Variants in USP54 observed in about 807,000 individuals in gnomAD.
USP54 encodes the protein ubiquitin specific peptidase 54, also known as ubiquitin carboxyl-terminal hydrolase 54.
Under a neutral mutation model 170.5 loss-of-function variants are expected in USP54, and 87 were observed. The ratio of observed to expected loss-of-function variants is 0.51; its 90% confidence interval spans 0.43 to 0.61. The LOEUF is 0.61. Among genes scored for constraint, USP54 ranks in the 20% least tolerant of loss-of-function variants. USP54 has a pLI of 0.00. For missense variants in USP54, 1,786 were observed against 2,047.8 expected (o/e 0.87, Z 2.47); for synonymous variants, 655 against 742.8 (o/e 0.88, Z 1.92).
chr10:73,514,216 A>C (rs2060682302), intron 20 of USP54, among the ~76,000 whole-genome samples: 1 of 152,178 alleles, frequency 6.6e-6, no homozygotes, highest in East Asian at 1.9e-4. Context: ...TCCGCCTCCC[A>C]AGTGCTGGGA....
At chr10:73,624,159 C>CATAT (rs58238181) in intron 1 of USP54, among the ~76,000 whole-genome samples, 5,819 of 69,368 alleles carry the variant, frequency 0.084, 476 homozygotes, top group Non-Finnish European at 0.098. Context: ...TTTTAAAAGC[C>CATAT]ATATATATAT....
Position 73,517,500 on chromosome 10 carries a change from T to C in USP54, c.2926A>G (p.Lys976Glu), listed in dbSNP as rs1618542. The change falls in exon 20 of 24, where the codon AAA (lysine) becomes GAA (glutamate). Residue 976 changes from lysine (K) to glutamate (E), a missense_variant. This residue lies in a region of USP54 where 1,418 missense variants were observed against 1,569.0 expected (regional missense o/e 0.90). Transcript: ENST00000687698. ...TTCTTCTCAGTCCACCCTGGTGCTT[T>C]AGGTAAACCTTGCCTGTGGAATGCA... Reference protein sequence around the residue: ...PSAFHRQGLPKAPGWTEKNSH... With the variant: ...PSAFHRQGLPEAPGWTEKNSH... 2.5e-6 allele frequency: 4 copies of C among 1,614,100 alleles called. No homozygotes were observed. In the African/African-American group the frequency reaches 5.3e-5, roughly 22 times the overall value.
At chr10:73,557,487 A>ATTTT (rs60308315) in intron 4 of USP54, among the ~76,000 whole-genome samples, 1 of 134,090 alleles carries the variant, frequency 7.5e-6, no homozygotes, top group Non-Finnish European at 1.6e-5. Context: ...CACCTGGCTA[A>ATTTT]TTTTTTTTTT....
intron 1 of USP54, among the ~76,000 whole-genome samples, chr10:73,619,724 T>C (rs1451824280): frequency 6.7e-6 from 1 of 150,340 alleles, no homozygotes. Flanking sequence ...AACAGTAATA[T>C]AGCAAACCAA....
intron 1 of USP54, chr10:73,606,375 T>C (rs2079631644): frequency 1.3e-5 from 2 of 152,024 alleles, no homozygotes; most frequent in South Asian, 2.1e-4. Flanking sequence ...TCACCTGTAG[T>C]CCCAGCCAAT....
chr10:73,581,281 G>A (rs1351153440), intron 1 of USP54, among the ~76,000 whole-genome samples: 1 of 152,200 alleles, frequency 6.6e-6, no homozygotes, highest in African/African-American at 2.4e-5. Context: ...AATTGGGATG[G>A]AAGCATGTCA....
At chr10:73,576,676 C>T (rs1395267170) in intron 1 of USP54, among the ~76,000 whole-genome samples, 4 of 152,130 alleles carry the variant, frequency 2.6e-5, no homozygotes, top group African/African-American at 9.7e-5. Context: ...TAACACAAAA[C>T]AAATCACCAA....
chr10:73,515,353 A>G (rs538332870), intron 20 of USP54, among the ~76,000 whole-genome samples: 28 of 152,302 alleles, frequency 1.8e-4, no homozygotes, highest in African/African-American at 5.8e-4. Context: ...ACTTGTCCAA[A>G]TTTATACTGA....
chr10:73,587,492 C>T (rs1305945971), intron 1 of USP54, among the ~76,000 whole-genome samples: 1 of 151,444 alleles, frequency 6.6e-6, no homozygotes, highest in Non-Finnish European at 1.5e-5. Flanking sequence ...ACAAAAAGTG[C>T]ACCCTCTGCA....
chr10:73,558,993 T>A lies in USP54; in HGVS notation c.240+12428A>T, dbSNP rs2072021889. ...TCAAATTGTCACAAATCTCAAAAAATTTTATAATATATCTATTGAAAAAAA... is the reference window on the plus strand; with the variant it reads ...TCAAATTGTCACAAATCTCAAAAAAATTTATAATATATCTATTGAAAAAAA... On this transcript the variant is annotated intron_variant, in intron 4 of 23. Coordinates refer to ENST00000687698, the MANE Select transcript of USP54 (RefSeq NM_001391956.1). Among the ~76,000 whole-genome samples the A allele has an allele frequency of 4.6e-5, 7 of 152,272 alleles. No homozygotes were observed. The South Asian group carries it at 1.5e-3, about 32-fold the overall frequency.
chr10:73,562,773 C>T (rs892527866), intron 4 of USP54, among the ~76,000 whole-genome samples: 1 of 152,162 alleles, frequency 6.6e-6, no homozygotes, highest in Admixed American at 6.5e-5. Context: ...TCTTCTGGCA[C>T]ATTATGTATC....
chr10:73,565,982 G>GC (rs2073684346), intron 4 of USP54, among the ~76,000 whole-genome samples: 2 of 152,302 alleles, frequency 1.3e-5, no homozygotes, highest in South Asian at 4.1e-4. Context: ...TGTAATCCTA[G>GC]CATTTTGGGA....
At chr10:73,557,320 C>T (rs1214145956) in intron 4 of USP54, among the ~76,000 whole-genome samples, 5 of 151,432 alleles carry the variant, frequency 3.3e-5, no homozygotes, top group African/African-American at 1.2e-4. Context: ...ACACAAACTT[C>T]TTCAATTTTT....
At chr10:73,524,290 TAAC>T (rs2062461979) in intron 16 of USP54, among the ~76,000 whole-genome samples, 2 of 151,280 alleles carry the variant, frequency 1.3e-5, no homozygotes, top group Middle Eastern at 3.4e-3. Flanking sequence ...ATAATAATAA[TAAC>T]AACAGGCCGG....
chr10:73,613,351 C>T (rs1387783287), intron 1 of USP54, among the ~76,000 whole-genome samples: 4 of 151,108 alleles, frequency 2.6e-5, no homozygotes, highest in Admixed American at 6.6e-5. Context: ...AGGCTGGTCT[C>T]GAACTCCGGA....
intron 1 of USP54, among the ~76,000 whole-genome samples, chr10:73,604,467 G>A (rs1232210426): frequency 6.6e-6 from 1 of 151,042 alleles, no homozygotes; most frequent in Admixed American, 6.6e-5. Flanking sequence ...CTCTCAAAGA[G>A]ATAACTTGCC....
At chr10:73,528,441 A>T (rs1015344998) in intron 15 of USP54, among the ~76,000 whole-genome samples, 1 of 150,238 alleles carries the variant, frequency 6.7e-6, no homozygotes, top group African/African-American at 2.5e-5. Flanking sequence ...TATCTTTAGT[A>T]GAGACGGGGT....
chr10:73,594,077 C>CTT (rs1035195917), upstream of USP54, among the ~76,000 whole-genome samples: 1 of 146,322 alleles, frequency 6.8e-6, no homozygotes. Flanking sequence ...ATAAAAGACT[C>CTT]TTTTTTTTTT....
intron 1 of USP54, among the ~76,000 whole-genome samples, chr10:73,598,885 A>C (rs1463037604): frequency 6.6e-6 from 1 of 152,158 alleles, no homozygotes. Context: ...GCGCCACTGC[A>C]CTCCAGCCTG....
Sources: allele counts gnomAD v4.1 joint callset (sites outside exome capture counted in the v4.1 genomes callset), GRCh38; gene constraint gnomAD v4.1.1; regional missense constraint gnomAD v4.1.1; transcripts MANE v1.5; gene names NCBI Gene and HGNC (gene_info 2026-07-23, HGNC 2026-07-21).